The following SKAP1 variants were observed in gnomAD, a reference collection of about 807,000 sequenced individuals.
The protein encoded by SKAP1 is src kinase-associated phosphoprotein 1.
A neutral mutation model predicts 58.5 loss-of-function variants in SKAP1; 44 were observed. That is an observed-to-expected ratio of 0.75 (90% CI 0.59 to 0.97). The LOEUF (loss-of-function observed/expected upper bound fraction) is 0.97, where lower values mean the gene tolerates loss of function less well. Ranked by LOEUF, SKAP1 falls within the 50% of genes least tolerant of loss-of-function variation. The pLI, the probability that SKAP1 is intolerant of heterozygous loss-of-function variation, is 0.00. For missense variants in SKAP1, 390 were observed against 435.2 expected, an observed-to-expected ratio of 0.90 and a Z score of 0.92; for synonymous variants, 127 against 149.7, an observed-to-expected ratio of 0.85 and a Z score of 1.11.
At chr17:48,226,083 A>G (rs190470502) in intron 4 of SKAP1, among the ~76,000 whole-genome samples, 16 of 152,260 alleles carry the variant, frequency 1.1e-4, no homozygotes, top group African/African-American at 3.6e-4. Flanking sequence ...GACCCAACCT[A>G]ATGGCTAGGC....
chr17:48,209,376 A>G (rs777100744), intron 4 of SKAP1, among the ~76,000 whole-genome samples: 6 of 152,210 alleles, frequency 3.9e-5, no homozygotes, highest in Non-Finnish European at 7.3e-5. Context: ...AGGATAGGAT[A>G]AAAGTAATAA....
intron 4 of SKAP1, among the ~76,000 whole-genome samples, chr17:48,231,035 T>A (rs779567133): frequency 6.6e-6 from 1 of 152,146 alleles, no homozygotes; most frequent in African/African-American, 2.4e-5. Context: ...AATTCAGGGA[T>A]AGGTTAAAGG....
At chr17:48,294,597 G>T (rs2065940493) in intron 4 of SKAP1, 1 of 152,156 alleles carries the variant, frequency 6.6e-6, no homozygotes, top group South Asian at 2.1e-4. Flanking sequence ...ACCAAAATCT[G>T]TGTAGAAAGC....
At chr17:48,305,494 T>C (rs2066127559) in intron 4 of SKAP1, among the ~76,000 whole-genome samples, 2 of 152,216 alleles carry the variant, frequency 1.3e-5, no homozygotes, top group African/African-American at 4.8e-5. Flanking sequence ...TATCTGGCCC[T>C]TTATAGAAAA....
intron 4 of SKAP1, among the ~76,000 whole-genome samples, chr17:48,338,175 GT>G (rs2066601208): frequency 6.9e-6 from 1 of 145,810 alleles, no homozygotes; most frequent in Non-Finnish European, 1.5e-5. Flanking sequence ...TTCAGACAGA[GT>G]TTCACTCTTG....
intron 4 of SKAP1, among the ~76,000 whole-genome samples, chr17:48,197,011 C>T (rs1002890851): frequency 3.3e-5 from 5 of 152,210 alleles, no homozygotes; most frequent in African/African-American, 1.2e-4. Context: ...GTAATCCCAG[C>T]ACTTTGGGAG....
chr17:48,385,938 G>A (rs999181267), intron 2 of SKAP1, among the ~76,000 whole-genome samples: 2 of 152,170 alleles, frequency 1.3e-5, no homozygotes, highest in Non-Finnish European at 2.9e-5. Flanking sequence ...GAGGGCTGTC[G>A]ATAGGTCTCA....
At chr17:48,171,093 G>GTTTTTTTTTTTTTT (rs71141969) in intron 9 of SKAP1, among the ~76,000 whole-genome samples, 1 of 70,242 alleles carries the variant, frequency 1.4e-5, no homozygotes, top group Non-Finnish European at 2.4e-5. Flanking sequence ...AATTACTGTT[G>GTTTTTTTTTTTTTT]TTTTTTTTTT....
chr17:48,422,924 A>C (rs141962515), intron 1 of SKAP1, among the ~76,000 whole-genome samples: 1 of 152,342 alleles, frequency 6.6e-6, no homozygotes, highest in African/African-American at 2.4e-5. Flanking sequence ...ATGAGACAGT[A>C]AAAAAGATGA....
At chr17:48,156,352 C>T (rs924128732) in intron 11 of SKAP1, 2 of 247,802 alleles carry the variant, frequency 8.1e-6, no homozygotes, top group Non-Finnish European at 1.7e-5. Flanking sequence ...TTGAATTCTG[C>T]GGTGGTCGCC....
At chr17:48,223,098 A>G (rs1220248476) in intron 4 of SKAP1, among the ~76,000 whole-genome samples, 3 of 150,972 alleles carry the variant, frequency 2.0e-5, no homozygotes, top group East Asian at 2.0e-4. Flanking sequence ...CCCTCTTAAA[A>G]GGTGCATGGT....
intron 1 of SKAP1, among the ~76,000 whole-genome samples, chr17:48,425,533 C>A (rs1180622343): frequency 6.6e-6 from 1 of 152,180 alleles, no homozygotes; most frequent in Non-Finnish European, 1.5e-5. Context: ...TCTCACTTTT[C>A]AGAATTCAAC....
chr17:48,262,111 A>G lies in SKAP1; in HGVS notation c.281-72611T>C, dbSNP rs534525536. Among the ~76,000 whole-genome samples the G allele has an allele frequency of 4.6e-5, 7 of 152,338 alleles. No individual in the cohort carries two copies. The South Asian group carries it at 1.2e-3, about 27-fold the overall frequency. Reference sequence around the variant, plus strand: ...AAAAATATTAGTAGTGTGGCTGCCTACAAAGAAGATGGAGGGCCTACCTGA... The same window carrying G: ...AAAAATATTAGTAGTGTGGCTGCCTGCAAAGAAGATGGAGGGCCTACCTGA... On this transcript the variant is annotated intron_variant, in intron 4 of 12. Coordinates refer to ENST00000336915, the MANE Select transcript of SKAP1 (RefSeq NM_003726.4).
chr17:48,384,063 T>C (rs1387337952), intron 2 of SKAP1, among the ~76,000 whole-genome samples: 2 of 151,834 alleles, frequency 1.3e-5, no homozygotes, highest in African/African-American at 4.8e-5. Flanking sequence ...TCTTTCAACA[T>C]GGAATGGAGG....
At chr17:48,161,224 A>C (rs1254556802) in intron 11 of SKAP1, among the ~76,000 whole-genome samples, 1 of 152,212 alleles carries the variant, frequency 6.6e-6, no homozygotes, top group Non-Finnish European at 1.5e-5. Context: ...AATTCACAGA[A>C]TAAAGATAAA....
At chr17:48,246,014 A>C (rs573177533) in intron 4 of SKAP1, among the ~76,000 whole-genome samples, 10 of 152,130 alleles carry the variant, frequency 6.6e-5, no homozygotes, top group South Asian at 2.1e-4. Context: ...CAACAAAAAA[A>C]CCCACAAAAA....
intron 4 of SKAP1, among the ~76,000 whole-genome samples, chr17:48,257,044 G>GA (rs1313785937): frequency 2.0e-5 from 3 of 151,628 alleles, no homozygotes; most frequent in African/African-American, 7.3e-5. Flanking sequence ...ATAAAGAGAT[G>GA]AAAAAACACA....
At chr17:48,324,069 T>C (rs1057172646) in intron 4 of SKAP1, among the ~76,000 whole-genome samples, 6 of 152,094 alleles carry the variant, frequency 3.9e-5, no homozygotes, top group African/African-American at 1.4e-4. Flanking sequence ...CCAATGACCT[T>C]TCATTTTAAA....
chr17:48,171,632 C>T (rs12603115), intron 9 of SKAP1, among the ~76,000 whole-genome samples: 74,935 of 151,872 alleles, frequency 0.49, 20,205 homozygotes, highest in East Asian at 0.71. Flanking sequence ...TAATCCTTTT[C>T]CTCAAACTCC....
Sources: gnomAD v4.1 joint callset for allele counts (sites outside exome capture counted in the v4.1 genomes callset) on GRCh38, gnomAD v4.1.1 for gene constraint, MANE v1.5 for transcripts, NCBI Gene and HGNC (gene_info 2026-07-23, HGNC 2026-07-21) for gene names.